Variants in UST observed in about 807,000 individuals in gnomAD.
UST encodes uronyl 2-sulfotransferase.
A neutral mutation model predicts 45.6 loss-of-function variants in UST; 21 were observed. The observed-to-expected ratio is 0.46, with a 90% confidence interval of 0.33 to 0.66. The LOEUF (loss-of-function observed/expected upper bound fraction) is 0.66. Among genes scored for constraint, UST ranks in the 30% least tolerant of loss-of-function variants. The probability of loss-of-function intolerance (pLI) is 0.02; values close to 1 mark genes in which losing one functional copy is unlikely to be tolerated. For synonymous variants in UST, 215 were observed against 200.6 expected, an observed-to-expected ratio of 1.07 and a Z score of -0.61; for missense variants, 463 against 512.4, an observed-to-expected ratio of 0.90 and a Z score of 0.93.
chr6:148,763,731 A>C (rs891560314), intron 1 of UST, among the ~76,000 whole-genome samples: 2 of 152,180 alleles, frequency 1.3e-5, no homozygotes, highest in Non-Finnish European at 2.9e-5. Context: ...CAATTTTTCC[A>C]GCACCACTTA....
At chr6:148,986,739 C>T (rs1424352332) in intron 5 of UST, among the ~76,000 whole-genome samples, 3 of 152,256 alleles carry the variant, frequency 2.0e-5, no homozygotes, top group South Asian at 2.1e-4. Flanking sequence ...AAACCACCCT[C>T]CTCCTCGGAA....
chr6:148,794,583 A>G (rs148796990), intron 1 of UST, among the ~76,000 whole-genome samples: 1 of 152,308 alleles, frequency 6.6e-6, no homozygotes, highest in East Asian at 1.9e-4. Context: ...GAAATAGTTG[A>G]TGAACTCCTG....
intron 7 of UST, among the ~76,000 whole-genome samples, chr6:149,042,685 A>G (rs1776331787): frequency 6.6e-6 from 1 of 152,224 alleles, no homozygotes; most frequent in Admixed American, 6.5e-5. Context: ...TCCTCCCCAC[A>G]AACTATGCCG....
chr6:148,907,798 G>A (rs1779392900), intron 2 of UST, among the ~76,000 whole-genome samples: 1 of 151,770 alleles, frequency 6.6e-6, no homozygotes, highest in African/African-American at 2.4e-5. Context: ...ATTCCCCAGT[G>A]TGGCTAATTG....
intron 1 of UST, among the ~76,000 whole-genome samples, chr6:148,772,541 G>A (rs189254384): frequency 8.0e-4 from 122 of 152,026 alleles, no homozygotes; most frequent in African/African-American, 2.9e-3. Context: ...TCATGCCTCA[G>A]CCTCCTAAGT....
intron 2 of UST, among the ~76,000 whole-genome samples, chr6:148,923,661 C>T (rs937753941): frequency 2.0e-5 from 3 of 152,106 alleles, no homozygotes; most frequent in African/African-American, 7.2e-5. Flanking sequence ...AATCCCAGCA[C>T]TTTGGGAGGC....
intron 1 of UST, among the ~76,000 whole-genome samples, chr6:148,750,161 T>G (rs1775962098): frequency 6.6e-6 from 1 of 152,230 alleles, no homozygotes; most frequent in Admixed American, 6.5e-5. Flanking sequence ...AGTAAAAATT[T>G]TCCAAATCAA....
At position 149,063,396 on chromosome 6, in the gene UST, A is replaced by T. The variant is rs138266591; in HGVS notation, c.938-10437A>T. On this transcript the variant is annotated intron_variant, in intron 7 of 7. Transcript: ENST00000367463. ...TAAAGGTAATAAGAAAAAACTTTTT[A>T]AAAAAATATCAAAAACATCCTGAAG... Among the ~76,000 whole-genome samples the T allele has an allele frequency of 1.5e-4, 23 of 152,322 alleles. 1 individual carries two copies. Among genetic ancestry groups the T allele is most frequent in the African/African-American group, 4.8e-4 (20 of 41,568 alleles).
At chr6:148,776,369 G>C (rs1451695248) in intron 1 of UST, among the ~76,000 whole-genome samples, 1 of 152,160 alleles carries the variant, frequency 6.6e-6, no homozygotes, top group Non-Finnish European at 1.5e-5. Context: ...AGAAGTGTTT[G>C]CGGTGGATTT....
At chr6:148,974,134 T>C (rs951776116) in intron 5 of UST, among the ~76,000 whole-genome samples, 12 of 152,202 alleles carry the variant, frequency 7.9e-5, no homozygotes, top group Admixed American at 2.6e-4. Flanking sequence ...TGAGGGCTTC[T>C]TCCCAAAGCA....
intron 5 of UST, among the ~76,000 whole-genome samples, chr6:148,967,005 T>C (rs2114962791): frequency 6.6e-6 from 1 of 152,342 alleles, no homozygotes; most frequent in Admixed American, 6.5e-5. Context: ...CCCAAAGTGC[T>C]GAGATTACAG....
chr6:148,802,896 A>G (rs1777078299), intron 1 of UST, among the ~76,000 whole-genome samples: 1 of 152,210 alleles, frequency 6.6e-6, no homozygotes, highest in Admixed American at 6.5e-5. Flanking sequence ...ATTTTGATTC[A>G]ATATCTCTGA....
chr6:149,074,147 C>T lies in UST; in HGVS notation c.*31C>T, dbSNP rs1395881170. 1.3e-6 allele frequency: 2 copies of T among 1,597,802 alleles called. No homozygotes were observed. The highest frequency in any genetic ancestry group is 1.3e-5 in the African/African-American group (1 of 74,174). ...CTGTGTTGCCTCTATGGCTTTATCT[C>T]CCTTTTCCAGAAAGTTCTTTGTTTG... On this transcript the variant is annotated 3_prime_UTR_variant, in exon 8 of 8. Coordinates refer to ENST00000367463, the MANE Select transcript of UST (RefSeq NM_005715.3).
At chr6:149,056,569 T>C (rs1776569358) in intron 7 of UST, among the ~76,000 whole-genome samples, 1 of 152,230 alleles carries the variant, frequency 6.6e-6, no homozygotes. Flanking sequence ...CATTTTTTCT[T>C]AGAGTTTTGC....
chr6:148,813,065 T>TAC (rs1415867457), intron 1 of UST, among the ~76,000 whole-genome samples: 2 of 152,252 alleles, frequency 1.3e-5, no homozygotes, highest in African/African-American at 2.4e-5. Context: ...CACATGTATG[T>TAC]ACACACACAC....
chr6:148,824,195 A>G (rs1276330791), intron 1 of UST, among the ~76,000 whole-genome samples: 1 of 152,210 alleles, frequency 6.6e-6, no homozygotes, highest in South Asian at 2.1e-4. Flanking sequence ...AGTTCAAGTT[A>G]TGTTGAAGAA....
chr6:149,044,556 G>A (rs1246339285), intron 7 of UST, among the ~76,000 whole-genome samples: 2 of 152,076 alleles, frequency 1.3e-5, no homozygotes, highest in East Asian at 1.9e-4. Flanking sequence ...GATGACGGTC[G>A]GTGGGAATGT....
At chr6:148,947,031 G>A (rs1780259464) in intron 3 of UST, among the ~76,000 whole-genome samples, 1 of 151,520 alleles carries the variant, frequency 6.6e-6, no homozygotes, top group Non-Finnish European at 1.5e-5. Flanking sequence ...GTTAGAAGGA[G>A]GAATAAGTGT....
chr6:148,941,512 T>A, intron 3 of UST, 78 bp downstream of exon 3: 1 of 1,432,072 alleles, frequency 7.0e-7, no homozygotes, highest in Non-Finnish European at 9.4e-7. Context: ...TTACAGGTCA[T>A]CCTTCAGACT....
Sources: gnomAD v4.1 joint callset for allele counts (sites outside exome capture counted in the v4.1 genomes callset) on GRCh38, gnomAD v4.1.1 for gene constraint, MANE v1.5 for transcripts, NCBI Gene and HGNC (gene_info 2026-07-23, HGNC 2026-07-21) for gene names.